CASK: variants seen among roughly 807,000 people sequenced by gnomAD.
CASK encodes calcium/calmodulin dependent serine protein kinase.
A neutral mutation model predicts 82.9 loss-of-function variants in CASK; 4 were observed. That is an observed-to-expected ratio of 0.05 (90% CI 0.02 to 0.11). The LOEUF is 0.11. CASK is among the 10% of genes least tolerant of loss of function. The probability of loss-of-function intolerance (pLI) is 1.00; values close to 1 mark genes in which losing one functional copy is unlikely to be tolerated. For synonymous variants in CASK, 259 were observed against 253.5 expected (o/e 1.02, Z -0.20); for missense variants, 358 against 720.9 (o/e 0.50, Z 5.76).
chrX:41,724,152 T>C (rs920657423), intron 5 of CASK: 2 of 112,605 alleles, frequency 1.8e-5, no homozygotes, highest in Admixed American at 9.4e-5. Context: ...TTCCTCCCAC[T>C]GTAGTTGGTG....
intron 12 of CASK, among the ~76,000 whole-genome samples, chrX:41,606,818 G>T (rs915525332): frequency 9.1e-6 from 1 of 109,582 alleles, no homozygotes; most frequent in Non-Finnish European, 1.9e-5. Flanking sequence ...TCAGCCTCTG[G>T]AGTAGCTGGG....
intron 1 of CASK, among the ~76,000 whole-genome samples, chrX:41,879,362 C>G (rs996140950): frequency 2.7e-5 from 3 of 111,099 alleles, no homozygotes; most frequent in Non-Finnish European, 5.7e-5. Context: ...ACATACATAC[C>G]TATGACAAAG....
intron 5 of CASK, among the ~76,000 whole-genome samples, chrX:41,690,293 GA>G (rs781742699): frequency 1.9e-5 from 2 of 104,878 alleles, no homozygotes; most frequent in African/African-American, 3.5e-5. Flanking sequence ...CTTCAAAGGA[GA>G]AAAAAAAACA....
chrX:41,880,062 T>C (rs1462727448), intron 1 of CASK, among the ~76,000 whole-genome samples: 1 of 112,129 alleles, frequency 8.9e-6, no homozygotes, highest in Non-Finnish European at 1.9e-5. Flanking sequence ...CTCTATGTAC[T>C]TCTACAATTT....
intron 2 of CASK, among the ~76,000 whole-genome samples, chrX:41,832,833 A>G (rs1483967360): frequency 3.6e-5 from 4 of 112,103 alleles, no homozygotes; most frequent in Non-Finnish European, 7.5e-5. Flanking sequence ...TAATACATTT[A>G]TTTTCTCTGT....
At chrX:41,587,764 G>C (rs2065678381) in intron 13 of CASK, 2 of 112,511 alleles carry the variant, frequency 1.8e-5, no homozygotes, top group Non-Finnish European at 3.8e-5. Flanking sequence ...GAGTTTACCT[G>C]TGTAAGTTAT....
At chrX:41,894,991 C>T (rs2072247679) in intron 1 of CASK, among the ~76,000 whole-genome samples, 1 of 111,119 alleles carries the variant, frequency 9.0e-6, no homozygotes, top group Admixed American at 9.6e-5. Flanking sequence ...ATGGTATATC[C>T]CACTTCTCTA....
At chrX:41,693,143 A>G (rs1398195527) in intron 5 of CASK, among the ~76,000 whole-genome samples, 1 of 111,533 alleles carries the variant, frequency 9.0e-6, no homozygotes, top group African/African-American at 3.3e-5. Context: ...AGCTCTCAAA[A>G]TCACATTACT....
chrX:41,604,427 G>C (rs2065932905), intron 12 of CASK, among the ~76,000 whole-genome samples: 2 of 105,467 alleles, frequency 1.9e-5, no homozygotes, highest in Admixed American at 2.1e-4. Context: ...GACGGAAAAA[G>C]AGACTGGAAT....
At chrX:41,779,839 C>G (rs901914979) in intron 3 of CASK, among the ~76,000 whole-genome samples, 2 of 109,639 alleles carry the variant, frequency 1.8e-5, no homozygotes, top group Non-Finnish European at 3.8e-5. Flanking sequence ...GGCATAAATA[C>G]TAGACCAAAA....
chrX:41,901,743 T>TAAGCCTGTC, intron 1 of CASK, among the ~76,000 whole-genome samples: 1 of 111,605 alleles, frequency 9.0e-6, no homozygotes, highest in East Asian at 2.8e-4. Context: ...TCCACTCAGG[T>TAAGCCTGTC]AAGCCTGTCA....
At chrX:41,758,550 T>C (rs2068939651) in intron 3 of CASK, among the ~76,000 whole-genome samples, 1 of 110,228 alleles carries the variant, frequency 9.1e-6, no homozygotes, top group Non-Finnish European at 1.9e-5. Context: ...GACTACATGG[T>C]AGTTAAGAGG....
At position 41,745,583 on chromosome X, in the gene CASK, C is replaced by A; in HGVS notation, c.297G>T (p.Leu99=). 1 of 1,198,596 alleles carries A rather than the reference C, an allele frequency of 8.3e-7. No individual in the cohort carries two copies. The highest frequency in any genetic ancestry group is 1.1e-6 in the Non-Finnish European group (1 of 883,701). The part of the protein sequence containing the change: ...MVFEFMDGAD[L]CFEIVKRADA... ...CAGCTCGCTTTACGATTTCAAAACA[C>A]AGATCTGCTCCATCCATACTGTAAA... Residue 99 remains leucine (L), a synonymous_variant, in exon 4 of 27, where the codon CTG becomes CTT. Transcript: ENST00000378163.
chrX:41,633,307 G>A (rs1265676342), intron 9 of CASK, among the ~76,000 whole-genome samples: 1 of 110,729 alleles, frequency 9.0e-6, no homozygotes, highest in Non-Finnish European at 1.9e-5. Flanking sequence ...CAATAGGGAT[G>A]ACTTCAGAAT....
chrX:41,590,818 T>C (rs2065734755), intron 12 of CASK, among the ~76,000 whole-genome samples: 1 of 110,574 alleles, frequency 9.0e-6, no homozygotes, highest in African/African-American at 3.3e-5. Flanking sequence ...ACACCAATGC[T>C]AGTTGAGAAG....
chrX:41,688,644 C>G (rs903313410), intron 5 of CASK, among the ~76,000 whole-genome samples: 3 of 111,810 alleles, frequency 2.7e-5, no homozygotes, highest in East Asian at 5.6e-4. Context: ...AGTGCTTGTG[C>G]TTTGAAAGTC....
At chrX:41,570,454 T>C (rs1454818663) in intron 15 of CASK, among the ~76,000 whole-genome samples, 2 of 111,996 alleles carry the variant, frequency 1.8e-5, no homozygotes, top group Non-Finnish European at 1.9e-5. Context: ...TTTGATAAGT[T>C]TGACATATGT....
intron 8 of CASK, among the ~76,000 whole-genome samples, chrX:41,649,167 G>A (rs1252092593): frequency 2.2e-4 from 25 of 111,247 alleles, no homozygotes; most frequent in African/African-American, 7.8e-4. Flanking sequence ...CTTGCTAGCG[G>A]TGTATCAATT....
intron 5 of CASK, among the ~76,000 whole-genome samples, chrX:41,704,206 T>C (rs2067847319): frequency 8.9e-6 from 1 of 112,012 alleles, no homozygotes; most frequent in South Asian, 3.7e-4. Flanking sequence ...TGGTTTCTTT[T>C]GTCAGACACT....
Sources: gnomAD v4.1 joint callset for allele counts (sites outside exome capture counted in the v4.1 genomes callset) on GRCh38, gnomAD v4.1.1 for gene constraint, MANE v1.5 for transcripts, NCBI Gene and HGNC (gene_info 2026-07-23, HGNC 2026-07-21) for gene names.